The following KCTD16 variants were observed in gnomAD, a reference collection of about 807,000 sequenced individuals.
The protein encoded by KCTD16 is potassium channel tetramerization domain containing 16.
Under a neutral mutation model 33.2 loss-of-function variants are expected in KCTD16, and 13 were observed. The ratio of observed to expected loss-of-function variants is 0.39; its 90% confidence interval spans 0.25 to 0.62. KCTD16 has a LOEUF of 0.62. Among genes scored for constraint, KCTD16 ranks in the 20% least tolerant of loss-of-function variants. The probability of loss-of-function intolerance (pLI) is 0.50; values close to 1 mark genes in which losing one functional copy is unlikely to be tolerated. For missense variants in KCTD16, 441 were observed against 525.1 expected, an observed-to-expected ratio of 0.84 and a Z score of 1.57; for synonymous variants, 197 against 195.3, an observed-to-expected ratio of 1.01 and a Z score of -0.07.
At chr5:144,210,307 G>T (rs1753342959) in intron 3 of KCTD16, among the ~76,000 whole-genome samples, 1 of 152,098 alleles carries the variant, frequency 6.6e-6, no homozygotes, top group Admixed American at 6.6e-5. Flanking sequence ...ATGTGCTTAA[G>T]AGGCAGGTAA....
intron 3 of KCTD16, among the ~76,000 whole-genome samples, chr5:144,459,755 ATTATAACTCCTAACTGTAGCCTC>A (rs1754150267): frequency 6.6e-6 from 1 of 151,432 alleles, no homozygotes. Context: ...CTGGTTAAAA[ATTATAACTCCTAACTGTAGCCTC>A]TGAGGCCCTA....
intron 3 of KCTD16, among the ~76,000 whole-genome samples, chr5:144,251,362 T>G (rs891322279): frequency 1.3e-5 from 2 of 152,306 alleles, no homozygotes; most frequent in East Asian, 3.9e-4. Context: ...CTGCCTCAGT[T>G]TCCTCATTTA....
chr5:144,295,225 C>T (rs1756002939), intron 3 of KCTD16, among the ~76,000 whole-genome samples: 1 of 152,166 alleles, frequency 6.6e-6, no homozygotes. Flanking sequence ...ACGTAAGTGT[C>T]CTGTTTAATG....
In KCTD16 at chr5:144,206,996, G is replaced by A; in HGVS notation, c.282G>A (p.Val94=). The A allele has an allele frequency of 6.2e-7, 1 of 1,614,076 alleles. No homozygotes were observed. The highest frequency in any genetic ancestry group is 8.5e-7 in the Non-Finnish European group (1 of 1,179,964). The change falls in exon 3 of 4, where the codon GTG becomes GTA. Residue 94 remains valine, a synonymous_variant. Coordinates refer to ENST00000512467, the MANE Select transcript of KCTD16 (RefSeq NM_020768.4). ...YILDYLRDRQ[V]VLPDHFPEKG... ...TGGACTATCTCAGGGACAGGCAGGT[G>A]GTCCTGCCTGATCACTTTCCAGAAA...
chr5:144,301,518 C>T (rs1370359766), intron 3 of KCTD16, among the ~76,000 whole-genome samples: 4 of 152,246 alleles, frequency 2.6e-5, no homozygotes, highest in East Asian at 3.9e-4. Flanking sequence ...TTTTGTTGTG[C>T]TTATATCTTT....
intron 3 of KCTD16, among the ~76,000 whole-genome samples, chr5:144,241,204 A>AAAGAAGGGC (rs1323281075): frequency 5.9e-5 from 9 of 152,186 alleles, no homozygotes; most frequent in Admixed American, 5.9e-4. Flanking sequence ...ATGACACTGG[A>AAAGAAGGGC]AAGAAGGGCA....
At chr5:144,265,475 A>T (rs1287968087) in intron 3 of KCTD16, among the ~76,000 whole-genome samples, 1 of 152,226 alleles carries the variant, frequency 6.6e-6, no homozygotes, top group East Asian at 1.9e-4. Context: ...GTCAGAAAAC[A>T]CACTGAAGTT....
intron 3 of KCTD16, among the ~76,000 whole-genome samples, chr5:144,456,257 T>A (rs1258861140): frequency 6.6e-6 from 1 of 152,144 alleles, no homozygotes; most frequent in Non-Finnish European, 1.5e-5. Flanking sequence ...AGGGATAGAA[T>A]GAGAATAGTG....
At chr5:144,205,801 G>A (rs1414976699) in intron 2 of KCTD16, 14 of 381,838 alleles carry the variant, frequency 3.7e-5, no homozygotes, top group Admixed American at 2.3e-4. Flanking sequence ...CTTAAGATAC[G>A]GAATGAACAC....
At chr5:144,267,131 G>T (rs981971792) in intron 3 of KCTD16, among the ~76,000 whole-genome samples, 39 of 152,190 alleles carry the variant, frequency 2.6e-4, no homozygotes, top group Non-Finnish European at 1.3e-4. Flanking sequence ...CTCAAGGATA[G>T]ATCCTAAGTA....
chr5:144,339,735 C>T (rs1427088456), intron 3 of KCTD16, among the ~76,000 whole-genome samples: 2 of 152,174 alleles, frequency 1.3e-5, no homozygotes, highest in Non-Finnish European at 2.9e-5. Context: ...TCCCTCCTTC[C>T]TCTTTTCTTT....
At chr5:144,432,207 T>G (rs1161060018) in intron 3 of KCTD16, among the ~76,000 whole-genome samples, 2 of 152,152 alleles carry the variant, frequency 1.3e-5, no homozygotes, top group Non-Finnish European at 2.9e-5. Context: ...TTTTTCCTTT[T>G]TAATCTGAGT....
chr5:144,405,248 T>C (rs781182888), intron 3 of KCTD16, among the ~76,000 whole-genome samples: 61 of 152,346 alleles, frequency 4.0e-4, no homozygotes, highest in Middle Eastern at 3.4e-3. Context: ...TTTGCTTTGT[T>C]ACTACCTCGG....
chr5:144,229,464 T>C (rs1754032616), intron 3 of KCTD16, among the ~76,000 whole-genome samples: 1 of 152,154 alleles, frequency 6.6e-6, no homozygotes, highest in Non-Finnish European at 1.5e-5. Flanking sequence ...ATAAAGGGAA[T>C]GACTAAAGGA....
chr5:144,469,373 C>G (rs566904039), intron 3 of KCTD16, among the ~76,000 whole-genome samples: 4 of 152,188 alleles, frequency 2.6e-5, no homozygotes, highest in Non-Finnish European at 5.9e-5. Flanking sequence ...CCTGAGGCAT[C>G]CAGCTGTAAC....
intron 3 of KCTD16, among the ~76,000 whole-genome samples, chr5:144,439,726 G>T (rs1753658425): frequency 6.6e-6 from 1 of 152,104 alleles, no homozygotes; most frequent in Non-Finnish European, 1.5e-5. Flanking sequence ...GCCATGGTGT[G>T]CTCTGTATCC....
intron 3 of KCTD16, among the ~76,000 whole-genome samples, chr5:144,216,051 G>C (rs974375955): frequency 6.6e-6 from 1 of 152,148 alleles, no homozygotes; most frequent in Non-Finnish European, 1.5e-5. Flanking sequence ...TCAACCTGTG[G>C]CTTTTCGGAA....
At chr5:144,384,094 T>C (rs1044034904) in intron 3 of KCTD16, 3 of 152,184 alleles carry the variant, frequency 2.0e-5, no homozygotes, top group African/African-American at 7.2e-5. Flanking sequence ...GAACTTAATT[T>C]TCAAGATGAG....
In KCTD16 at chr5:144,362,494, T is replaced by G. The variant is rs761878877; in HGVS notation, c.833-111166T>G. ...GTGACTAATGACAGAGGCTTTGCTA[T>G]TAGCTCTGGGTTTGAATCTCAGCTT... On this transcript the variant is annotated intron_variant, in intron 3 of 3. Coordinates refer to ENST00000512467, the MANE Select transcript of KCTD16 (RefSeq NM_020768.4). Among the ~76,000 whole-genome samples, 8 of 152,296 alleles carry G rather than the reference T, an allele frequency of 5.3e-5. No homozygotes were observed. In the East Asian group the frequency reaches 5.8e-4, roughly 11 times the overall value.
Sources: allele counts gnomAD v4.1 joint callset (sites outside exome capture counted in the v4.1 genomes callset), GRCh38; gene constraint gnomAD v4.1.1; transcripts MANE v1.5; gene names NCBI Gene and HGNC (gene_info 2026-07-23, HGNC 2026-07-21).